SNX29: variants seen among roughly 807,000 people sequenced by gnomAD.
SNX29 encodes the protein sorting nexin 29.
In SNX29, 78 loss-of-function variants were observed where a neutral mutation model predicts 102.1. That is an observed-to-expected ratio of 0.76 (90% CI 0.64 to 0.92). The LOEUF is 0.92. Ranked by LOEUF, SNX29 falls within the 40% of genes least tolerant of loss-of-function variation. SNX29 has a pLI of 0.00. For synonymous variants in SNX29, 580 were observed against 414.5 expected, an observed-to-expected ratio of 1.40 and a Z score of -4.85; for missense variants, 1,280 against 1,061.7, an observed-to-expected ratio of 1.21 and a Z score of -2.86.
At chr16:12,234,519 T>C (rs2077866471) in intron 14 of SNX29, among the ~76,000 whole-genome samples, 2 of 152,210 alleles carry the variant, frequency 1.3e-5, no homozygotes, top group African/African-American at 4.8e-5. Context: ...CAAGTTTCTT[T>C]TCATTTTCTC....
At chr16:12,153,779 C>A (rs2055409149) in intron 13 of SNX29, among the ~76,000 whole-genome samples, 1 of 152,088 alleles carries the variant, frequency 6.6e-6, no homozygotes, top group South Asian at 2.1e-4. Flanking sequence ...TGCACAGCCA[C>A]TCCTCCTAAT....
At chr16:12,374,168 A>G (rs1246151204) in intron 16 of SNX29, among the ~76,000 whole-genome samples, 1 of 152,228 alleles carries the variant, frequency 6.6e-6, no homozygotes, top group Non-Finnish European at 1.5e-5. Flanking sequence ...AGTTTGGATG[A>G]CACTTCACCT....
intron 20 of SNX29, among the ~76,000 whole-genome samples, chr16:12,544,080 C>G (rs1418677926): frequency 6.6e-6 from 1 of 152,188 alleles, no homozygotes; most frequent in Non-Finnish European, 1.5e-5. Context: ...GGGTAGAGGT[C>G]TTTCTGCAGA....
At chr16:11,986,893 A>C (rs73515603) in intron 1 of SNX29, among the ~76,000 whole-genome samples, 1,948 of 152,280 alleles carry the variant, frequency 0.013, 51 homozygotes, top group African/African-American at 0.044. Flanking sequence ...AAAAGTCAGC[A>C]GCTGGATTTG....
intron 15 of SNX29, among the ~76,000 whole-genome samples, chr16:12,336,404 C>T (rs1400611421): frequency 6.6e-6 from 1 of 152,226 alleles, no homozygotes; most frequent in Non-Finnish European, 1.5e-5. Context: ...TGCCCTGTGT[C>T]TGTCACCGTG....
At chr16:12,256,427 A>T (rs545136826) in intron 14 of SNX29, among the ~76,000 whole-genome samples, 1 of 152,122 alleles carries the variant, frequency 6.6e-6, no homozygotes, top group African/African-American at 2.4e-5. Flanking sequence ...TCCCTGGTTC[A>T]GGCGATTCTC....
intron 8 of SNX29, chr16:12,052,903 G>A (rs185263396): frequency 1.3e-4 from 20 of 154,092 alleles, no homozygotes; most frequent in Admixed American, 3.8e-4. Flanking sequence ...AGCTCAGGAC[G>A]AAGGCAGCGT....
chr16:12,188,296 G>A (rs936127415), intron 13 of SNX29, among the ~76,000 whole-genome samples: 11 of 152,154 alleles, frequency 7.2e-5, no homozygotes, highest in Admixed American at 3.3e-4. Context: ...TTTTATAAAT[G>A]CTAAACTGGG....
chr16:12,128,118 T>C (rs1462254789), intron 12 of SNX29, among the ~76,000 whole-genome samples: 1 of 152,216 alleles, frequency 6.6e-6, no homozygotes, highest in Non-Finnish European at 1.5e-5. Context: ...AAAGAGGATG[T>C]CTTCAAAAGG....
chr16:12,016,035 T>C (rs1241883952), intron 3 of SNX29, among the ~76,000 whole-genome samples: 1 of 151,874 alleles, frequency 6.6e-6, no homozygotes, highest in Non-Finnish European at 1.5e-5. Flanking sequence ...CGGCTAATTT[T>C]TGTGTTTTTA....
In SNX29 at chr16:12,571,876, T is replaced by G; in HGVS notation, c.*3247T>G. On this transcript the variant is annotated 3_prime_UTR_variant, in exon 21 of 21. Transcript: ENST00000566228. ...GTTGCTGGCAAGGCATTTTAGAGTT[T>G]GGAGCTGAGGTTCAAAGCCCCCTGC... The G allele has an allele frequency of 9.4e-7, 1 of 1,061,748 alleles. No individual in the cohort carries two copies. The highest frequency in any genetic ancestry group is 1.1e-6 in the Non-Finnish European group (1 of 876,958). The allele number at this position is 1,061,748 out of a possible 1,614,324, so 65.8% of individuals were successfully genotyped here. A position where few individuals can be genotyped will look rare whatever the true frequency, so the allele number is the denominator to read the frequency against.
rs1199911670 is a variant in SNX29, at chr16:12,362,553, T to TCCCCCCCCCCCCCCCCCCCCCC, written c.1899+6282_1899+6283insCCCCCCCCCCCCCCCCCCCCCC. ...TGCAGAAGGATTTTGGCTGCTGCAC[T>TCCCCCCCCCCCCCCCCCCCCCC]CCCCCCCCACCCCCCCCCCCACCAG... On this transcript the variant is annotated intron_variant, in intron 16 of 20. Transcript: ENST00000566228. Among the ~76,000 whole-genome samples the TCCCCCCCCCCCCCCCCCCCCCC allele has an allele frequency of 2.7e-4, 3 of 11,060 alleles. 1 individual carries two copies. Among genetic ancestry groups the TCCCCCCCCCCCCCCCCCCCCCC allele is most frequent in the African/African-American group, 6.0e-4 (2 of 3,312 alleles). 7.3% of individuals were successfully genotyped at this position (11,060 alleles called of 152,430 possible). A position where few individuals can be genotyped will look rare whatever the true frequency, so the allele number is the denominator to read the frequency against.
intron 13 of SNX29, among the ~76,000 whole-genome samples, chr16:12,180,856 T>G (rs2141832601): frequency 6.6e-6 from 1 of 152,330 alleles, no homozygotes; most frequent in African/African-American, 2.4e-5. Flanking sequence ...AGCAGAGCTC[T>G]CTCTCCTGTG....
intron 18 of SNX29, among the ~76,000 whole-genome samples, chr16:12,407,748 A>G (rs1450892551): frequency 6.6e-6 from 1 of 152,172 alleles, no homozygotes; most frequent in African/African-American, 2.4e-5. Context: ...CAGCCCCCAA[A>G]GCAGTCTCTG....
rs1219918545 is a variant in SNX29 at position 12,516,457 on chromosome 16, G to A, written c.2179-8245G>A. On this transcript the variant is annotated intron_variant, in intron 19 of 20. Coordinates refer to ENST00000566228, the MANE Select transcript of SNX29 (RefSeq NM_032167.5). Reference sequence around the variant, plus strand: ...ATTGTACCACTGCACTTCAGTCTTGGCAACAGAGAGATATCCCGTCTCAGA... The same window carrying A: ...ATTGTACCACTGCACTTCAGTCTTGACAACAGAGAGATATCCCGTCTCAGA... 2.3e-5 allele frequency among the ~76,000 whole-genome samples: 3 copies of A among 133,328 alleles called. No individual in the cohort carries two copies. In the Admixed American group the frequency reaches 2.5e-4, roughly 11 times the overall value. The allele number at this position is 133,328 out of a possible 152,430, so 87.5% of individuals were successfully genotyped here. A position where few individuals can be genotyped will look rare whatever the true frequency, so the allele number is the denominator to read the frequency against.
chr16:12,141,333 G>A (rs572120693), intron 13 of SNX29, among the ~76,000 whole-genome samples: 3 of 152,270 alleles, frequency 2.0e-5, no homozygotes, highest in South Asian at 2.1e-4. Flanking sequence ...TAGTATCCTC[G>A]GCTCTATGCT....
intron 19 of SNX29, among the ~76,000 whole-genome samples, chr16:12,479,570 G>A (rs975718459): frequency 2.6e-5 from 4 of 152,132 alleles, no homozygotes; most frequent in African/African-American, 4.8e-5. Context: ...ACCACTACAC[G>A]TGGCAGACAG....
intron 16 of SNX29, among the ~76,000 whole-genome samples, chr16:12,394,598 C>G (rs1438710083): frequency 6.6e-6 from 1 of 152,136 alleles, no homozygotes; most frequent in Non-Finnish European, 1.5e-5. Context: ...CTTGACTGAG[C>G]TGGACATCCA....
intron 16 of SNX29, chr16:12,366,847 C>G (rs990620302): frequency 1.3e-5 from 2 of 151,882 alleles, no homozygotes; most frequent in East Asian, 3.9e-4. Context: ...CTGTCTCTCT[C>G]TCTCTCTTTC....
Sources: allele counts gnomAD v4.1 joint callset (sites outside exome capture counted in the v4.1 genomes callset), GRCh38; gene constraint gnomAD v4.1.1; transcripts MANE v1.5; gene names NCBI Gene and HGNC (gene_info 2026-07-23, HGNC 2026-07-21).